The following REC114 variants were observed in gnomAD, a reference collection of about 807,000 sequenced individuals.
The protein encoded by REC114 is meiotic recombination protein REC114.
A neutral mutation model predicts 31.3 loss-of-function variants in REC114; 27 were observed. That is an observed-to-expected ratio of 0.86 (90% CI 0.64 to 1.19). The LOEUF (loss-of-function observed/expected upper bound fraction) is 1.19. REC114 is among the 50% of genes most tolerant of loss of function. The probability of loss-of-function intolerance (pLI) is 0.00; values close to 1 mark genes in which losing one functional copy is unlikely to be tolerated. For missense variants in REC114, 344 were observed against 326.9 expected (o/e 1.05, Z -0.40); for synonymous variants, 134 against 127.7 (o/e 1.05, Z -0.33).
At chr15:73,536,032 G>T (rs1366067391) in intron 2 of REC114, among the ~76,000 whole-genome samples, 1 of 150,432 alleles carries the variant, frequency 6.6e-6, no homozygotes, top group Non-Finnish European at 1.5e-5. Flanking sequence ...AATTCAAGAT[G>T]GATTAAAGAC....
intron 2 of REC114, among the ~76,000 whole-genome samples, chr15:73,481,815 C>T (rs1270187388): frequency 5.3e-5 from 8 of 151,970 alleles, no homozygotes; most frequent in African/African-American, 1.9e-4. Context: ...CACACCACCA[C>T]GCCAGGGGCT....
intron 1 of REC114, among the ~76,000 whole-genome samples, chr15:73,464,941 G>C (rs1286600289): frequency 2.0e-5 from 3 of 152,112 alleles, no homozygotes; most frequent in Non-Finnish European, 2.9e-5. Flanking sequence ...GCCCAGTCTG[G>C]AGTGCAATAT....
At chr15:73,446,680 A>G (rs939598847) in intron 1 of REC114, among the ~76,000 whole-genome samples, 2 of 152,106 alleles carry the variant, frequency 1.3e-5, no homozygotes, top group Non-Finnish European at 2.9e-5. Context: ...AGAGGCCACA[A>G]CATACCTGAA....
At chr15:73,543,312 C>G (rs1202289979) in intron 3 of REC114, among the ~76,000 whole-genome samples, 4 of 151,952 alleles carry the variant, frequency 2.6e-5, no homozygotes, top group Non-Finnish European at 5.9e-5. Flanking sequence ...GAACCATTTG[C>G]CTGTTATTGT....
At position 73,559,996 on chromosome 15, in the gene REC114, T is replaced by TAAAG; in HGVS notation, c.*82_*85dup. ...CCTAAAATTAAAGAAGATATTAGAA[T>TAAAG]AAAGAGTATTATCCAAACACCTTTT... On this transcript the variant is annotated 3_prime_UTR_variant, in exon 6 of 6. Transcript: ENST00000331090. The TAAAG allele has an allele frequency of 1.5e-6, 2 of 1,323,616 alleles. No homozygotes were observed. Among genetic ancestry groups the TAAAG allele is most frequent in the Non-Finnish European group, 2.1e-6 (2 of 968,604 alleles). 82.0% of individuals were successfully genotyped at this position (1,323,616 alleles called of 1,614,324 possible).
intron 1 of REC114, 85 bp downstream of exon 1, chr15:73,443,429 G>A (rs1892725035): frequency 1.4e-6 from 2 of 1,416,758 alleles, no homozygotes; most frequent in East Asian, 2.5e-5. Context: ...CCAGTGCCCC[G>A]AAAGCAATGC....
chr15:73,543,882 T>A (rs1308755423), intron 3 of REC114, among the ~76,000 whole-genome samples: 2 of 151,972 alleles, frequency 1.3e-5, no homozygotes, highest in Admixed American at 1.3e-4. Flanking sequence ...CTTTGACGTC[T>A]TCCTGACTTG....
chr15:73,443,258 C>G lies in REC114; in HGVS notation c.73C>G (p.Arg25Gly), dbSNP rs1172575671. 1.9e-5 allele frequency: 30 copies of G among 1,572,974 alleles called. No individual in the cohort carries two copies. Among genetic ancestry groups the G allele is most frequent in the Non-Finnish European group, 2.6e-5 (30 of 1,160,376 alleles). ...GGEAAEWPLQRYARCIPSNTR... is the reference protein window; with the variant it reads ...GGEAAEWPLQGYARCIPSNTR... ...AGAAGCGGCAGAGTGGCCTCTGCAG[C>G]GGTACGCCCGCTGCATACCCTCAAA... is the stretch of plus-strand genomic sequence containing the variant. The change falls in exon 1 of 6, where the codon CGG becomes GGG. Residue 25 changes from arginine (R) to glycine (G), a missense_variant. Arg to Gly is a moderately radical substitution (Grantham distance 125). Coordinates refer to ENST00000331090, the MANE Select transcript of REC114 (RefSeq NM_001042367.2).
intron 1 of REC114, among the ~76,000 whole-genome samples, chr15:73,450,854 T>G (rs1892836478): frequency 6.6e-6 from 1 of 152,092 alleles, no homozygotes; most frequent in African/African-American, 2.4e-5. Flanking sequence ...CACAACTACA[T>G]GGAAACTGAA....
intron 2 of REC114, among the ~76,000 whole-genome samples, chr15:73,476,397 T>C (rs540898481): frequency 6.6e-6 from 1 of 152,302 alleles, no homozygotes; most frequent in Non-Finnish European, 1.5e-5. Context: ...GCAGTGAGCT[T>C]CTCTGCCCAC....
intron 2 of REC114, among the ~76,000 whole-genome samples, chr15:73,525,031 G>C (rs944464369): frequency 1.3e-5 from 2 of 152,194 alleles, no homozygotes; most frequent in Non-Finnish European, 2.9e-5. Flanking sequence ...TCAAAGCAGT[G>C]GCTAGAAAGA....
chr15:73,455,489 A>G (rs1892903113), intron 1 of REC114, among the ~76,000 whole-genome samples: 1 of 152,136 alleles, frequency 6.6e-6, no homozygotes, highest in Non-Finnish European at 1.5e-5. Context: ...ATGGCTCTAT[A>G]TGCTGAGACA....
At chr15:73,500,725 ATTG>A (rs1893592578) in intron 2 of REC114, among the ~76,000 whole-genome samples, 1 of 110,804 alleles carries the variant, frequency 9.0e-6, no homozygotes, top group Non-Finnish European at 1.9e-5. Context: ...CTCTTCAATT[ATTG>A]TTTTTTTTTT....
At chr15:73,470,230 C>CT (rs1226894344) in intron 1 of REC114, among the ~76,000 whole-genome samples, 1 of 151,780 alleles carries the variant, frequency 6.6e-6, no homozygotes, top group Non-Finnish European at 1.5e-5. Flanking sequence ...TTGATCTTGC[C>CT]TTTCGTTTGG....
intron 2 of REC114, among the ~76,000 whole-genome samples, chr15:73,528,022 G>A (rs987089906): frequency 1.3e-5 from 2 of 151,994 alleles, no homozygotes; most frequent in African/African-American, 4.8e-5. Flanking sequence ...GATCGAAACA[G>A]CAAATATATT....
At chr15:73,493,997 C>A (rs1158151673) in intron 2 of REC114, among the ~76,000 whole-genome samples, 1 of 152,162 alleles carries the variant, frequency 6.6e-6, no homozygotes, top group African/African-American at 2.4e-5. Context: ...TCTTGCTCCT[C>A]TTGGTAATGG....
intron 2 of REC114, among the ~76,000 whole-genome samples, chr15:73,529,291 C>G (rs1268459487): frequency 1.3e-5 from 2 of 152,028 alleles, no homozygotes; most frequent in African/African-American, 4.8e-5. Context: ...GCGCCCGCCA[C>G]CATGCCCAAC....
chr15:73,517,720 C>T (rs1771342032), intron 2 of REC114, among the ~76,000 whole-genome samples: 2 of 152,204 alleles, frequency 1.3e-5, no homozygotes, highest in Admixed American at 6.5e-5. Context: ...GTCAGTTCCA[C>T]TTGTCCTCAT....
intron 5 of REC114, among the ~76,000 whole-genome samples, chr15:73,557,507 C>G (rs771067509): frequency 6.0e-5 from 9 of 151,232 alleles, no homozygotes; most frequent in Non-Finnish European, 8.8e-5. Context: ...ATAAAAAACT[C>G]AAGAGGTAGG....
Sources: gnomAD v4.1 joint callset for allele counts (sites outside exome capture counted in the v4.1 genomes callset) on GRCh38, gnomAD v4.1.1 for gene constraint, MANE v1.5 for transcripts, NCBI Gene and HGNC (gene_info 2026-07-23, HGNC 2026-07-21) for gene names.